PARD3B: variants seen among roughly 807,000 people sequenced by gnomAD.
The protein encoded by PARD3B is par-3 family cell polarity regulator beta.
A neutral mutation model predicts 130.2 loss-of-function variants in PARD3B; 103 were observed. The observed-to-expected ratio is 0.79, with a 90% CI of 0.67 to 0.93. The LOEUF is 0.93. Among genes scored for constraint, PARD3B ranks in the 40% least tolerant of loss-of-function variants. The pLI is 0.00. For synonymous variants in PARD3B, 583 were observed against 553.2 expected, an observed-to-expected ratio of 1.05 and a Z score of -0.76; for missense variants, 1,609 against 1,499.2, an observed-to-expected ratio of 1.07 and a Z score of -1.21.
At chr2:204,872,781 C>T (rs2045678675) in intron 2 of PARD3B, among the ~76,000 whole-genome samples, 1 of 152,012 alleles carries the variant, frequency 6.6e-6, no homozygotes, top group Non-Finnish European at 1.5e-5. Context: ...CTACATAAAC[C>T]AAATACTTAT....
At chr2:205,275,855 A>T in intron 16 of PARD3B, among the ~76,000 whole-genome samples, 1 of 151,500 alleles carries the variant, frequency 6.6e-6, no homozygotes, top group Non-Finnish European at 1.5e-5. Context: ...AAAAAAAAAA[A>T]AAAAAAAGGT....
chr2:204,868,267 A>G (rs1228202875), intron 2 of PARD3B, among the ~76,000 whole-genome samples: 1 of 152,194 alleles, frequency 6.6e-6, no homozygotes, highest in East Asian at 1.9e-4. Flanking sequence ...TGAGCCAAAG[A>G]TAGTGTGCTG....
chr2:204,716,378 A>G (rs188516571), intron 2 of PARD3B, among the ~76,000 whole-genome samples: 145 of 152,140 alleles, frequency 9.5e-4, no homozygotes, highest in African/African-American at 3.3e-3. Flanking sequence ...AGCGATTTGT[A>G]TATACATGAA....
chr2:204,858,120 G>GTA (rs1559204359), intron 2 of PARD3B, among the ~76,000 whole-genome samples: 1 of 152,054 alleles, frequency 6.6e-6, no homozygotes, highest in East Asian at 1.9e-4. Context: ...ATAAGTTTAA[G>GTA]TATATATAAA....
intron 10 of PARD3B, among the ~76,000 whole-genome samples, chr2:205,126,787 A>AAT (rs2031477971): frequency 6.8e-6 from 1 of 147,134 alleles, no homozygotes; most frequent in African/African-American, 2.5e-5. Context: ...AAAAAAAAAA[A>AAT]TTGATAATAG....
chr2:204,945,630 C>G (rs1011351100), intron 2 of PARD3B, among the ~76,000 whole-genome samples: 1 of 152,146 alleles, frequency 6.6e-6, no homozygotes, highest in Non-Finnish European at 1.5e-5. Flanking sequence ...TGTTTTCTTC[C>G]CTTAACTGAT....
chr2:204,856,115 ACT>A (rs1413690406), intron 2 of PARD3B, among the ~76,000 whole-genome samples: 1 of 151,978 alleles, frequency 6.6e-6, no homozygotes, highest in African/African-American at 2.4e-5. Flanking sequence ...CTTTTAGGAA[ACT>A]CCATACTGTT....
intron 1 of PARD3B, among the ~76,000 whole-genome samples, chr2:204,562,416 AG>A (rs767762284): frequency 5.3e-5 from 8 of 152,212 alleles, no homozygotes; most frequent in African/African-American, 7.2e-5. Flanking sequence ...AGGTGTTAAT[AG>A]GTGAATTTTT....
At chr2:205,101,734 T>G (rs529984990) in intron 4 of PARD3B, among the ~76,000 whole-genome samples, 2 of 152,304 alleles carry the variant, frequency 1.3e-5, no homozygotes, top group South Asian at 4.1e-4. Flanking sequence ...TGCTACAACA[T>G]GGATGAGCTT....
At chr2:204,883,514 T>C (rs1318654106) in intron 2 of PARD3B, among the ~76,000 whole-genome samples, 1 of 140,910 alleles carries the variant, frequency 7.1e-6, no homozygotes, top group African/African-American at 2.7e-5. Context: ...AGTGGCCCAA[T>C]CTCGCTCGCT....
At chr2:205,131,915 A>G (rs1209143759) in intron 10 of PARD3B, among the ~76,000 whole-genome samples, 2 of 152,114 alleles carry the variant, frequency 1.3e-5, no homozygotes, top group Non-Finnish European at 2.9e-5. Context: ...GGAGCTTGGG[A>G]CCTGGAATCC....
intron 11 of PARD3B, among the ~76,000 whole-genome samples, chr2:205,159,439 A>C (rs1208694631): frequency 6.6e-6 from 1 of 152,160 alleles, no homozygotes; most frequent in Non-Finnish European, 1.5e-5. Context: ...TTTCCAGAAA[A>C]AGAAGGAAGA....
intron 15 of PARD3B, among the ~76,000 whole-genome samples, chr2:205,203,564 T>C (rs2125830173): frequency 6.6e-6 from 1 of 152,304 alleles, no homozygotes; most frequent in South Asian, 2.1e-4. Flanking sequence ...CAACCCATCA[T>C]CTACATTAGG....
At chr2:205,513,270 C>T (rs1053339305) in intron 21 of PARD3B, among the ~76,000 whole-genome samples, 4 of 151,994 alleles carry the variant, frequency 2.6e-5, no homozygotes, top group Admixed American at 6.6e-5. Context: ...TTGTGGCTTT[C>T]GTGTGGTTCC....
chr2:204,606,809 C>T lies in PARD3B; in HGVS notation c.120+60690C>T, dbSNP rs1476346632. 6.6e-6 allele frequency among the ~76,000 whole-genome samples: 1 copy of T among 152,094 alleles called. No homozygotes were observed. The highest frequency in any genetic ancestry group is 2.4e-5 in the African/African-American group (1 of 41,428). ...AGACTACTGAGAGTCCTTTATATCT[C>T]GTTTGGAGGCTGCTCTGTCCAGGGA... On this transcript the variant is annotated intron_variant, in intron 1 of 22. Coordinates refer to ENST00000406610, the MANE Select transcript of PARD3B (RefSeq NM_001302769.2). The surrounding 1 kb of genome is among the most constrained non-coding windows in gnomAD (Gnocchi z 4.0).
chr2:204,986,217 T>C (rs956745222), intron 3 of PARD3B, among the ~76,000 whole-genome samples: 3 of 151,734 alleles, frequency 2.0e-5, no homozygotes, highest in African/African-American at 7.3e-5. Context: ...CACTTAGACC[T>C]GTGTGTCACC....
At chr2:204,962,609 G>A (rs1168617294) in intron 2 of PARD3B, among the ~76,000 whole-genome samples, 2 of 152,084 alleles carry the variant, frequency 1.3e-5, no homozygotes, top group African/African-American at 2.4e-5. Context: ...TGTCTTCTGG[G>A]GAGTCTGCTA....
chr2:204,729,603 A>C (rs959625499), intron 2 of PARD3B, among the ~76,000 whole-genome samples: 2 of 152,186 alleles, frequency 1.3e-5, no homozygotes, highest in African/African-American at 4.8e-5. Flanking sequence ...TTGTTTCTTA[A>C]ATTATCCTCT....
chr2:205,469,712 A>G (rs1342186103), intron 20 of PARD3B, among the ~76,000 whole-genome samples: 1 of 152,198 alleles, frequency 6.6e-6, no homozygotes, highest in Non-Finnish European at 1.5e-5. Flanking sequence ...TTGCTCTCTA[A>G]CCATTTCTAC....
Sources: allele counts gnomAD v4.1 joint callset (sites outside exome capture counted in the v4.1 genomes callset), GRCh38; gene constraint gnomAD v4.1.1; non-coding constraint Gnocchi (gnomAD v3.1); transcripts MANE v1.5; gene names NCBI Gene and HGNC (gene_info 2026-07-23, HGNC 2026-07-21).